TP63: variants seen among roughly 807,000 people sequenced by gnomAD.
The protein encoded by TP63 is tumor protein 63.
In TP63, 17 loss-of-function variants were observed where a neutral mutation model predicts 82.8. That is an observed-to-expected ratio of 0.21 (90% CI 0.14 to 0.31). The LOEUF is 0.31. TP63 is among the 10% of genes least tolerant of loss of function. TP63 has a pLI of 1.00. For missense variants in TP63, 648 were observed against 895.3 expected (o/e 0.72, Z 3.52); for synonymous variants, 330 against 321.7 (o/e 1.03, Z -0.28).
the TP63 span, among the ~76,000 whole-genome samples, chr3:189,614,475 CTAA>C: frequency 6.6e-6 from 1 of 152,156 alleles, no homozygotes; most frequent in Non-Finnish European, 1.5e-5. Context: ...TGAAAATGGA[CTAA>C]TATAGCTGCC....
chr3:189,862,387 C>T (rs531549979), intron 4 of TP63, among the ~76,000 whole-genome samples: 5 of 152,106 alleles, frequency 3.3e-5, no homozygotes, highest in Admixed American at 6.5e-5. Context: ...TAGCACTTGA[C>T]GATCCTTAAT....
chr3:189,758,447 G>C (rs142385080), intron 3 of TP63, among the ~76,000 whole-genome samples: 3 of 152,248 alleles, frequency 2.0e-5, no homozygotes, highest in East Asian at 3.9e-4. Flanking sequence ...TGCACATGTC[G>C]ACAGCCCACC....
intron 1 of TP63, among the ~76,000 whole-genome samples, chr3:189,700,795 A>G (rs1235569580): frequency 6.6e-6 from 1 of 152,196 alleles, no homozygotes; most frequent in East Asian, 1.9e-4. Flanking sequence ...AGTTAAGATA[A>G]TGAGTTCTTT....
intron 4 of TP63, among the ~76,000 whole-genome samples, chr3:189,850,850 G>C (rs552263412): frequency 1.3e-5 from 2 of 152,128 alleles, no homozygotes; most frequent in Non-Finnish European, 2.9e-5. Context: ...CTAGTAATTT[G>C]AAATGGTTAA....
chr3:189,766,829 A>G (rs1227963751), intron 3 of TP63, among the ~76,000 whole-genome samples: 2 of 152,242 alleles, frequency 1.3e-5, no homozygotes, highest in Non-Finnish European at 2.9e-5. Context: ...AATTAGGGCA[A>G]CAGTTGCTTT....
At chr3:189,844,371 C>CGCCT (rs1714578127) in intron 4 of TP63, 1 of 370,170 alleles carries the variant, frequency 2.7e-6, no homozygotes, top group South Asian at 1.9e-5. Context: ...CTGCAACCTC[C>CGCCT]GCCTTCTGGA....
chr3:189,674,712 G>A (rs1715235850), intron 1 of TP63, among the ~76,000 whole-genome samples: 1 of 152,122 alleles, frequency 6.6e-6, no homozygotes, highest in South Asian at 2.1e-4. Flanking sequence ...TGTCAGAGAA[G>A]GCACTGAAGC....
intron 12 of TP63, 53 bp from the exon 13 acceptor site, chr3:189,890,736 G>A: frequency 6.5e-7 from 1 of 1,546,418 alleles, no homozygotes; most frequent in Admixed American, 1.7e-5. Context: ...AATGCAGTTG[G>A]GGTGAACTTT....
chr3:189,653,208 A>T (rs1370812425), intron 1 of TP63, among the ~76,000 whole-genome samples: 3 of 152,174 alleles, frequency 2.0e-5, no homozygotes, highest in Non-Finnish European at 4.4e-5. Context: ...ATAGTTACTC[A>T]TGTTCTTGGT....
At chr3:189,811,294 C>T (rs960279939) in intron 4 of TP63, among the ~76,000 whole-genome samples, 7 of 152,114 alleles carry the variant, frequency 4.6e-5, no homozygotes, top group Non-Finnish European at 7.4e-5. Context: ...GGCTTTGGTT[C>T]GCATCGATAT....
intron 4 of TP63, among the ~76,000 whole-genome samples, chr3:189,856,585 C>T (rs1013145471): frequency 6.6e-6 from 1 of 151,926 alleles, no homozygotes; most frequent in Non-Finnish European, 1.5e-5. Flanking sequence ...TGTCCCTGTT[C>T]ATAGTTGACA....
chr3:189,615,037 T>C, the TP63 span, among the ~76,000 whole-genome samples: 1 of 152,238 alleles, frequency 6.6e-6, no homozygotes, highest in East Asian at 1.9e-4. Context: ...TGTGTTCCAC[T>C]CTTGTCCCAC....
At chr3:189,855,904 A>C (rs1025417795) in intron 4 of TP63, among the ~76,000 whole-genome samples, 5 of 152,016 alleles carry the variant, frequency 3.3e-5, no homozygotes, top group Non-Finnish European at 7.4e-5. Flanking sequence ...AAAAGTTTTA[A>C]ATTTTCTGTA....
At chr3:189,875,613 T>TATATATATACACACAA in intron 10 of TP63, among the ~76,000 whole-genome samples, 1 of 105,494 alleles carries the variant, frequency 9.5e-6, no homozygotes, top group Admixed American at 8.9e-5. Flanking sequence ...TATATATATA[T>TATATATATACACACAA]ATATATATAT....
At chr3:189,651,173 T>C (rs12330526) in intron 1 of TP63, among the ~76,000 whole-genome samples, 72,071 of 146,068 alleles carry the variant, frequency 0.49, 22,070 homozygotes, top group Middle Eastern at 0.72. Flanking sequence ...AGAAGAAATT[T>C]CTAACTGGCA....
intron 5 of TP63, among the ~76,000 whole-genome samples, chr3:189,865,580 A>G (rs1208319230): frequency 6.6e-6 from 1 of 152,232 alleles, no homozygotes; most frequent in Non-Finnish European, 1.5e-5. Flanking sequence ...ATATTAAAAT[A>G]TAAGGATTGA....
intron 1 of TP63, among the ~76,000 whole-genome samples, chr3:189,713,338 TCTA>T (rs1255755489): frequency 2.6e-5 from 4 of 152,192 alleles, no homozygotes; most frequent in African/African-American, 9.6e-5. Flanking sequence ...GAGTAAACAA[TCTA>T]CACATGAGCA....
chr3:189,600,474 T>C, the TP63 span, among the ~76,000 whole-genome samples: 3 of 152,222 alleles, frequency 2.0e-5, no homozygotes, highest in Non-Finnish European at 4.4e-5. Flanking sequence ...TACTGTTTTG[T>C]ACCTATGTAG....
rs1162403677 is a variant in TP63 at position 189,894,880 on chromosome 3, A to G, written c.*378A>G. ...CAGTATAGATTTTTGGGTGGGGGGC[A>G]TTGAGTATTGTTTAAAATGTAATTT... On this transcript the variant is annotated 3_prime_UTR_variant, in exon 14 of 14. Transcript: ENST00000264731. 1 of 232,698 alleles carries G rather than the reference A, an allele frequency of 4.3e-6. No homozygotes were observed. Among genetic ancestry groups the G allele is most frequent in the African/African-American group, 2.2e-5 (1 of 44,958 alleles). 14.4% of individuals were successfully genotyped at this position (232,698 alleles called of 1,614,324 possible).
Sources: gnomAD v4.1 joint callset for allele counts (sites outside exome capture counted in the v4.1 genomes callset) on GRCh38, gnomAD v4.1.1 for gene constraint, MANE v1.5 for transcripts, NCBI Gene and HGNC (gene_info 2026-07-23, HGNC 2026-07-21) for gene names.